Variants in PPFIA2 observed in about 807,000 individuals in gnomAD.
PPFIA2 encodes the protein PPFI scaffold protein A2.
PPFIA2 carries 46 observed loss-of-function variants against 175.5 expected under a neutral mutation model. The observed-to-expected ratio is 0.26, with a 90% CI of 0.21 to 0.34. PPFIA2 has a LOEUF of 0.34. Ranked by LOEUF, PPFIA2 falls within the 10% of genes least tolerant of loss-of-function variation. The pLI is 1.00. For synonymous variants in PPFIA2, 568 were observed against 511.4 expected, an observed-to-expected ratio of 1.11 and a Z score of -1.49; for missense variants, 1,179 against 1,506.1, an observed-to-expected ratio of 0.78 and a Z score of 3.60.
intron 4 of PPFIA2, among the ~76,000 whole-genome samples, chr12:81,494,405 C>T (rs889559872): frequency 6.6e-5 from 10 of 152,152 alleles, no homozygotes; most frequent in African/African-American, 2.4e-4. Flanking sequence ...TATCATCTCA[C>T]ACCAGTTAGA....
chr12:81,672,306 T>G (rs2071572379), intron 4 of PPFIA2, among the ~76,000 whole-genome samples: 1 of 151,994 alleles, frequency 6.6e-6, no homozygotes, highest in Non-Finnish European at 1.5e-5. Flanking sequence ...AAAATCAGTT[T>G]TGTAGATTTT....
intron 4 of PPFIA2, chr12:81,506,005 A>G (rs1311725941): frequency 6.6e-6 from 1 of 152,210 alleles, no homozygotes; most frequent in Non-Finnish European, 1.5e-5. Flanking sequence ...TGAAGCACAG[A>G]GCATCCGACA....
At chr12:81,302,430 G>A (rs1746126676) in intron 22 of PPFIA2, among the ~76,000 whole-genome samples, 1 of 152,104 alleles carries the variant, frequency 6.6e-6, no homozygotes. Flanking sequence ...TGAGCAATCT[G>A]GCCACTGAAA....
chr12:81,299,474 CCTTTA>C, intron 22 of PPFIA2, 92 bp from the exon 23 acceptor site: 1 of 1,449,510 alleles, frequency 6.9e-7, no homozygotes, highest in Non-Finnish European at 9.2e-7. Flanking sequence ...AACCAATCAT[CCTTTA>C]CAAGATTTTT....
intron 7 of PPFIA2, among the ~76,000 whole-genome samples, chr12:81,423,412 G>A (rs1592753855): frequency 6.6e-6 from 1 of 152,172 alleles, no homozygotes; most frequent in East Asian, 1.9e-4. Flanking sequence ...ATGACCAAGA[G>A]AGATTTATCT....
In PPFIA2 at chr12:81,306,642, G is replaced by T. The variant is rs572375106; in HGVS notation, c.2643-7260C>A. Among the ~76,000 whole-genome samples the T allele has an allele frequency of 2.2e-3, 320 of 147,360 alleles. 1 individual carries two copies. Among genetic ancestry groups the T allele is most frequent in the African/African-American group, 7.4e-3 (299 of 40,248 alleles). On this transcript the variant is annotated intron_variant, in intron 22 of 32. Transcript: ENST00000549396. The stretch of plus-strand genomic sequence containing the variant: ...TGCAACCTCTGCCTTCCAGGTTCAA[G>T]TGATTGTCCTGCTTCAGCCTCCTGA...
At chr12:81,318,319 C>A (rs2139466933) in intron 22 of PPFIA2, among the ~76,000 whole-genome samples, 1 of 151,720 alleles carries the variant, frequency 6.6e-6, no homozygotes, top group African/African-American at 2.4e-5. Flanking sequence ...GAATTTTGAC[C>A]CTGTTACTGC....
At chr12:81,514,663 G>A (rs1020508499) in intron 4 of PPFIA2, among the ~76,000 whole-genome samples, 2 of 151,786 alleles carry the variant, frequency 1.3e-5, no homozygotes, top group East Asian at 3.9e-4. Flanking sequence ...ATGCAATTCT[G>A]ATACAACTAA....
intron 4 of PPFIA2, among the ~76,000 whole-genome samples, chr12:81,627,549 C>T (rs1453611252): frequency 2.0e-5 from 3 of 152,062 alleles, no homozygotes; most frequent in African/African-American, 7.2e-5. Flanking sequence ...ATTCCCGTGT[C>T]ACACATGGGA....
intron 4 of PPFIA2, among the ~76,000 whole-genome samples, chr12:81,471,853 A>G (rs2056784425): frequency 1.3e-5 from 2 of 152,194 alleles, no homozygotes; most frequent in African/African-American, 4.8e-5. Context: ...TCTAACAGGT[A>G]CTAGGTGACA....
intron 4 of PPFIA2, chr12:81,598,270 T>C (rs2059457450): frequency 7.9e-7 from 1 of 1,259,522 alleles, no homozygotes. Context: ...ACATACAATG[T>C]TTTTTAAAAA....
At chr12:81,323,418 A>G (rs2054104279) in intron 22 of PPFIA2, among the ~76,000 whole-genome samples, 1 of 152,112 alleles carries the variant, frequency 6.6e-6, no homozygotes. Context: ...ACATTATGAA[A>G]AATGTTGCTT....
intron 22 of PPFIA2, among the ~76,000 whole-genome samples, chr12:81,311,867 G>A (rs1039635777): frequency 9.9e-5 from 15 of 152,102 alleles, no homozygotes; most frequent in African/African-American, 2.4e-5. Context: ...TGACCCTTTA[G>A]GGAATTACTT....
intron 22 of PPFIA2, among the ~76,000 whole-genome samples, chr12:81,325,174 G>GAAAATGTTACTATGTATTTTTA (rs1471644686): frequency 3.3e-5 from 5 of 152,024 alleles, no homozygotes. Flanking sequence ...TTTTGTCAAT[G>GAAAATGTTACTATGTATTTTTA]AAAATGTTAC....
intron 9 of PPFIA2, among the ~76,000 whole-genome samples, chr12:81,383,259 A>G (rs1443674756): frequency 6.6e-6 from 1 of 152,188 alleles, no homozygotes; most frequent in Non-Finnish European, 1.5e-5. Context: ...AAAGATAAAA[A>G]TACATTTAAA....
chr12:81,487,071 G>A (rs1274450974), intron 4 of PPFIA2, among the ~76,000 whole-genome samples: 1 of 151,798 alleles, frequency 6.6e-6, no homozygotes. Flanking sequence ...GTTTCCCTTA[G>A]GAAAGAAAAA....
At chr12:81,510,226 T>G (rs910550249) in intron 4 of PPFIA2, among the ~76,000 whole-genome samples, 4 of 152,126 alleles carry the variant, frequency 2.6e-5, no homozygotes, top group Non-Finnish European at 5.9e-5. Context: ...GGCAGGCAGA[T>G]GCATACAAAT....
chr12:81,262,037 G>A lies in PPFIA2; in HGVS notation c.3719C>T (p.Ala1240Val), dbSNP rs187153200. 3.1e-5 allele frequency: 49 copies of A among 1,596,128 alleles called. No homozygotes were observed. In the Admixed American group the frequency reaches 8.0e-4, roughly 26 times the overall value. ...GQSRKMTTDV[A>V]SSRLQRLDNS... ...GTCTAACCTCTGCAGTCTTGATGAA[G>A]CAACTGCAAATGGAGAAAAGGGCTT... Residue 1240 changes from alanine to valine, a missense_variant, in exon 32 of 33, where the codon GCT becomes GTT. By Grantham distance (64) the Ala-to-Val change is moderately conservative. Transcript: ENST00000549396.
intron 4 of PPFIA2, among the ~76,000 whole-genome samples, chr12:81,482,432 T>G (rs1264488469): frequency 6.6e-6 from 1 of 152,162 alleles, no homozygotes; most frequent in African/African-American, 2.4e-5. Context: ...TAAAGACACA[T>G]GCACACATAT....
Sources: allele counts gnomAD v4.1 joint callset (sites outside exome capture counted in the v4.1 genomes callset), GRCh38; gene constraint gnomAD v4.1.1; transcripts MANE v1.5; gene names NCBI Gene and HGNC (gene_info 2026-07-23, HGNC 2026-07-21).